The following TCF20 variants were observed in gnomAD, a reference collection of about 807,000 sequenced individuals.
TCF20 encodes the protein transcription factor 20.
A neutral mutation model predicts 148.6 loss-of-function variants in TCF20; 3 were observed. The ratio of observed to expected loss-of-function variants is 0.02; its 90% CI spans 0.01 to 0.05. TCF20 has a LOEUF of 0.05. Ranked by LOEUF, TCF20 falls within the 10% of genes least tolerant of loss-of-function variation. TCF20 has a pLI of 1.00. For synonymous variants in TCF20, 1,049 were observed against 909.5 expected, an observed-to-expected ratio of 1.15 and a Z score of -2.76; for missense variants, 2,350 against 2,429.3, an observed-to-expected ratio of 0.97 and a Z score of 0.69.
chr22:42,212,344 T>G lies in TCF20; in HGVS notation c.2962A>C (p.Met988Leu). Residue 988 changes from methionine to leucine, a missense_variant, in exon 2 of 6, where the codon ATG becomes CTG. Physicochemically the swap from Met to Leu is conservative, Grantham distance 15. This residue lies in a region of TCF20 where 1,641 missense variants were observed against 1,662.6 expected (regional missense o/e 0.99). Coordinates refer to ENST00000677622, the MANE Select transcript of TCF20 (RefSeq NM_001378418.1). Reference sequence around the variant, plus strand: ...CCAACTCTGCCAGGGACCCGCCGCATTGGCGTGGGTCTGCTGTCTTGCGGG... The same window carrying G: ...CCAACTCTGCCAGGGACCCGCCGCAGTGGCGTGGGTCTGCTGTCTTGCGGG... ...YGPQDSRPTP[M>L]RRVPGRVGGR... The G allele has an allele frequency of 6.2e-7, 1 of 1,614,210 alleles. No individual in the cohort carries two copies. The highest frequency in any genetic ancestry group is 8.5e-7 in the Non-Finnish European group (1 of 1,180,036).
chr22:42,256,304 G>T (rs1925738376), intron 1 of TCF20, among the ~76,000 whole-genome samples: 1 of 152,178 alleles, frequency 6.6e-6, no homozygotes, highest in South Asian at 2.1e-4. Context: ...TGATTTTTGT[G>T]TGTGTGTGCC....
chr22:42,242,395 G>A (rs1011873999), intron 1 of TCF20, among the ~76,000 whole-genome samples: 12 of 151,820 alleles, frequency 7.9e-5, no homozygotes, highest in African/African-American at 2.9e-4. Flanking sequence ...ATACAAAACA[G>A]ATGGTCTCTA....
intron 1 of TCF20, among the ~76,000 whole-genome samples, chr22:42,325,746 G>A (rs185335103): frequency 3.9e-5 from 6 of 152,320 alleles, no homozygotes; most frequent in Non-Finnish European, 8.8e-5. Context: ...ACCTGCCAGA[G>A]CTGGGAAGTG....
At chr22:42,171,475 A>C (rs1179679896) in intron 3 of TCF20, among the ~76,000 whole-genome samples, 2 of 152,174 alleles carry the variant, frequency 1.3e-5, no homozygotes, top group African/African-American at 4.8e-5. Context: ...CCAGACCTGG[A>C]ACATCATAGC....
intron 2 of TCF20, among the ~76,000 whole-genome samples, chr22:42,182,087 GTCAAGCACTAAATCACCCAAACCCAGGA>G (rs1285316276): frequency 6.6e-6 from 1 of 152,174 alleles, no homozygotes; most frequent in African/African-American, 2.4e-5. Flanking sequence ...CCATGACACT[GTCAAGCACTAAATCACCCAAACCCAGGA>G]CCAGGCCACC....
intron 1 of TCF20, among the ~76,000 whole-genome samples, chr22:42,268,721 CTTCT>C (rs1251385390): frequency 2.6e-5 from 4 of 152,176 alleles, no homozygotes; most frequent in Non-Finnish European, 5.9e-5. Context: ...TTTCTGATAA[CTTCT>C]TTCACAAAGA....
At chr22:42,190,028 C>T (rs77953552) in intron 2 of TCF20, among the ~76,000 whole-genome samples, 9 of 152,254 alleles carry the variant, frequency 5.9e-5, no homozygotes, top group African/African-American at 2.2e-4. Context: ...GGCCCTGTCT[C>T]TCACTGGTAC....
chr22:42,208,007 C>T (rs1291214333), intron 2 of TCF20, among the ~76,000 whole-genome samples: 1 of 152,112 alleles, frequency 6.6e-6, no homozygotes, highest in Non-Finnish European at 1.5e-5. Context: ...GCCTGGGCAA[C>T]AAAGTGAGAT....
rs114704769 is a variant in TCF20 at position 42,215,374 on chromosome 22, G to C, written c.-36-33C>G. 2.0e-6 allele frequency: 3 copies of C among 1,529,334 alleles called. No individual in the cohort carries two copies. The Admixed American group carries it at 6.1e-5, about 31-fold the overall frequency. The allele number at this position is 1,529,334 out of a possible 1,614,324, so 94.7% of individuals were successfully genotyped here. On this transcript the variant is annotated intron_variant, in intron 1 of 5. Transcript: ENST00000677622. ...TAGAAGAAAGAAAAACATTAGACAC[G>C]CATCTCCTTGGTACAAATAAAATCA... is the stretch of plus-strand genomic sequence containing the variant.
In TCF20 at chr22:42,211,728, C is replaced by T. The variant is rs1262143079; in HGVS notation, c.3578G>A (p.Arg1193Gln). The change falls in exon 2 of 6, where the codon CGG becomes CAG. Residue 1193 changes from arginine (R) to glutamine (Q), a missense_variant. By Grantham distance (43) the Arg-to-Gln change is conservative (BLOSUM62 1). Transcript: ENST00000677622. ...GCTGCTTTTGGCTGGAGAAGTTTGCCGAGAAAGATCCCAACAGGATTCTTG... is the reference window on the plus strand; with the variant it reads ...GCTGCTTTTGGCTGGAGAAGTTTGCTGAGAAAGATCCCAACAGGATTCTTG... ...KLQESCWDLS[R>Q]QTSPAKSSGP... The T allele has an allele frequency of 1.4e-5, 22 of 1,613,978 alleles. No individual in the cohort carries two copies. The highest frequency in any genetic ancestry group is 4.4e-5 in the South Asian group (4 of 91,076).
chr22:42,188,356 G>A (rs17173778), intron 2 of TCF20, among the ~76,000 whole-genome samples: 5,736 of 145,710 alleles, frequency 0.039, 372 homozygotes, highest in African/African-American at 0.14. Context: ...TTATGAGGAA[G>A]GGACCTCTGC....
chr22:42,242,224 A>AC (rs1555942547), intron 1 of TCF20, among the ~76,000 whole-genome samples: 1 of 147,582 alleles, frequency 6.8e-6, no homozygotes, highest in African/African-American at 2.6e-5. Context: ...AAAAAAAAAA[A>AC]AAACAGAAAA....
At chr22:42,236,183 CAAACAA>C (rs902982703) in intron 1 of TCF20, among the ~76,000 whole-genome samples, 7 of 151,662 alleles carry the variant, frequency 4.6e-5, no homozygotes, top group Non-Finnish European at 8.8e-5. Flanking sequence ...TTCAAAAAAA[CAAACAA>C]AAACAAAAAC....
upstream of TCF20, among the ~76,000 whole-genome samples, chr22:42,287,029 G>A (rs956070451): frequency 6.6e-6 from 1 of 152,082 alleles, no homozygotes; most frequent in African/African-American, 2.4e-5. Context: ...CTTCCTGGAG[G>A]AGGAGGTATG....
chr22:42,246,482 T>C (rs1054078770), intron 1 of TCF20, among the ~76,000 whole-genome samples: 2 of 152,126 alleles, frequency 1.3e-5, no homozygotes, highest in African/African-American at 4.8e-5. Context: ...AAACTAATCC[T>C]TGGAAAAGGA....
chr22:42,255,178 T>C (rs1433605067), intron 1 of TCF20, among the ~76,000 whole-genome samples: 3 of 152,100 alleles, frequency 2.0e-5, no homozygotes, highest in Non-Finnish European at 2.9e-5. Context: ...TTGGAATTTA[T>C]TGTTTATATA....
chr22:42,259,102 GT>G (rs1925898700), intron 1 of TCF20, among the ~76,000 whole-genome samples: 1 of 152,188 alleles, frequency 6.6e-6, no homozygotes, highest in Non-Finnish European at 1.5e-5. Flanking sequence ...ACACGAAAAA[GT>G]CTTCCCTGGT....
chr22:42,168,538 C>T (rs1047548394), intron 5 of TCF20, 71 bp downstream of exon 5: 7 of 1,525,328 alleles, frequency 4.6e-6, no homozygotes, highest in Non-Finnish European at 6.1e-6. Context: ...ATAGAGCGAG[C>T]AGGAGGGCAG....
At chr22:42,339,817 C>T (rs1157773678) in intron 1 of TCF20, among the ~76,000 whole-genome samples, 1 of 152,236 alleles carries the variant, frequency 6.6e-6, no homozygotes, top group Non-Finnish European at 1.5e-5. Flanking sequence ...CAGCCTGATG[C>T]TCACGGAGCC....
Sources: gnomAD v4.1 joint callset for allele counts (sites outside exome capture counted in the v4.1 genomes callset) on GRCh38, gnomAD v4.1.1 for gene constraint, gnomAD v4.1.1 regional missense constraint, MANE v1.5 for transcripts, NCBI Gene and HGNC (gene_info 2026-07-23, HGNC 2026-07-21) for gene names.